GNB4: variants seen among roughly 807,000 people sequenced by gnomAD.
GNB4 encodes G protein subunit beta 4.
A neutral mutation model predicts 45.2 loss-of-function variants in GNB4; 28 were observed. That is an observed-to-expected ratio of 0.62 (90% CI 0.46 to 0.85). The LOEUF (loss-of-function observed/expected upper bound fraction) is 0.85. Among genes scored for constraint, GNB4 ranks in the 40% least tolerant of loss-of-function variants. The pLI, the probability that GNB4 is intolerant of heterozygous loss-of-function variation, is 0.00. For missense variants in GNB4, 321 were observed against 425.4 expected, an observed-to-expected ratio of 0.75 and a Z score of 2.16; for synonymous variants, 132 against 143.7, an observed-to-expected ratio of 0.92 and a Z score of 0.58.
rs370523737 is a variant in GNB4, at chr3:179,432,346, A to C, written c.-42-6104T>G. On this transcript the variant is annotated intron_variant, in intron 1 of 9. Transcript: ENST00000232564. ...AACTAACTTTTCACTCTTTAAAAAA[A>C]AACACAACTGATTCATTTTGTCACT... Among the ~76,000 whole-genome samples the C allele has an allele frequency of 5.3e-5, 8 of 152,350 alleles. 2 individuals carry two copies. Among genetic ancestry groups the C allele is most frequent in the South Asian group, 2.1e-4 (1 of 4,824 alleles).
At chr3:179,465,340 A>T in the GNB4 span, 1 of 1,130,874 alleles carries the variant, frequency 8.8e-7, no homozygotes, top group Non-Finnish European at 1.3e-6. Flanking sequence ...GCGGTGGCTC[A>T]CACCTGTAAT....
chr3:179,451,013 G>A (rs1419277235), intron 1 of GNB4: 3 of 152,274 alleles, frequency 2.0e-5, no homozygotes, highest in Non-Finnish European at 4.4e-5. Flanking sequence ...GAGGCCTCGG[G>A]GAGTGACGAG....
At chr3:179,525,723 C>T in the GNB4 span, among the ~76,000 whole-genome samples, 2 of 152,150 alleles carry the variant, frequency 1.3e-5, no homozygotes, top group South Asian at 2.1e-4. Context: ...TCTCCTTTGT[C>T]TCTACTAGAG....
At chr3:179,442,819 G>T in intron 1 of GNB4, among the ~76,000 whole-genome samples, 1 of 152,006 alleles carries the variant, frequency 6.6e-6, no homozygotes, top group African/African-American at 2.4e-5. Context: ...TTTAGAGGTG[G>T]GGTCCTTACT....
chr3:179,478,534 TTTTTG>T, the GNB4 span, among the ~76,000 whole-genome samples: 11 of 152,070 alleles, frequency 7.2e-5, no homozygotes, highest in South Asian at 2.1e-4. Context: ...GTTTTTTGGG[TTTTTG>T]TTTTGTTTTG....
the GNB4 span, among the ~76,000 whole-genome samples, chr3:179,525,549 A>G: frequency 1.3e-5 from 2 of 152,048 alleles, no homozygotes; most frequent in Non-Finnish European, 2.9e-5. Flanking sequence ...CCACCAAGGG[A>G]ATGTGGGTGA....
At chr3:179,494,826 T>G in the GNB4 span, among the ~76,000 whole-genome samples, 1 of 140,410 alleles carries the variant, frequency 7.1e-6, no homozygotes, top group Non-Finnish European at 1.5e-5. Flanking sequence ...GAGAATGGCA[T>G]GAACCCGGGA....
chr3:179,461,263 A>C, the GNB4 span, among the ~76,000 whole-genome samples: 36 of 152,138 alleles, frequency 2.4e-4, no homozygotes, highest in Admixed American at 5.2e-4. Flanking sequence ...TTTGGGAGGT[A>C]GAGGCAGGCG....
chr3:179,457,035 C>T, the GNB4 span, among the ~76,000 whole-genome samples: 3 of 152,082 alleles, frequency 2.0e-5, no homozygotes, highest in Non-Finnish European at 4.4e-5. Flanking sequence ...AGGAGCCCTG[C>T]GGACCAACTC....
intron 8 of GNB4, among the ~76,000 whole-genome samples, chr3:179,409,578 G>C (rs1011624524): frequency 6.6e-6 from 1 of 151,702 alleles, no homozygotes; most frequent in Non-Finnish European, 1.5e-5. Context: ...TTGGGAGGCC[G>C]AGGCAGGCAG....
At chr3:179,516,314 G>T in the GNB4 span, among the ~76,000 whole-genome samples, 1 of 152,164 alleles carries the variant, frequency 6.6e-6, no homozygotes, top group Non-Finnish European at 1.5e-5. Flanking sequence ...AGGTGGGAAG[G>T]CCAAACCTAA....
At chr3:179,527,777 C>CGTGTGTGTGTGTGTGT in the GNB4 span, among the ~76,000 whole-genome samples, 1 of 122,148 alleles carries the variant, frequency 8.2e-6, no homozygotes, top group Non-Finnish European at 1.7e-5. Context: ...CTGATAAGTG[C>CGTGTGTGTGTGTGTGT]GTGTGTGTAT....
At chr3:179,506,031 G>T in the GNB4 span, among the ~76,000 whole-genome samples, 1 of 152,226 alleles carries the variant, frequency 6.6e-6, no homozygotes, top group Non-Finnish European at 1.5e-5. Flanking sequence ...TTATTAAAAA[G>T]TTGAATAGCA....
chr3:179,458,807 A>C, the GNB4 span, among the ~76,000 whole-genome samples: 1 of 152,178 alleles, frequency 6.6e-6, no homozygotes, highest in Non-Finnish European at 1.5e-5. Flanking sequence ...AGGGTGATTG[A>C]ATCTAAGGAT....
At chr3:179,463,092 T>C in the GNB4 span, among the ~76,000 whole-genome samples, 2 of 152,108 alleles carry the variant, frequency 1.3e-5, no homozygotes, top group African/African-American at 2.4e-5. Flanking sequence ...GGAAGAATAG[T>C]ATTGTTTGTT....
chr3:179,521,164 G>A, the GNB4 span, among the ~76,000 whole-genome samples: 4,837 of 152,134 alleles, frequency 0.032, 126 homozygotes, highest in South Asian at 0.098. Context: ...GGCGACCGTG[G>A]TCATTTCTTC....
At chr3:179,429,103 C>T (rs1273878044) in intron 1 of GNB4, among the ~76,000 whole-genome samples, 1 of 152,236 alleles carries the variant, frequency 6.6e-6, no homozygotes, top group Non-Finnish European at 1.5e-5. Context: ...GCTGGGAATG[C>T]CAAGAACACA....
At chr3:179,425,819 T>C (rs1200659880) in intron 2 of GNB4, among the ~76,000 whole-genome samples, 1 of 152,238 alleles carries the variant, frequency 6.6e-6, no homozygotes, top group Non-Finnish European at 1.5e-5. Flanking sequence ...ATTTCCCTAG[T>C]GTGACATTAT....
At chr3:179,498,514 G>A in the GNB4 span, among the ~76,000 whole-genome samples, 1 of 152,160 alleles carries the variant, frequency 6.6e-6, no homozygotes, top group Non-Finnish European at 1.5e-5. Flanking sequence ...TCGGCTCACT[G>A]CAACCTCCAC....
Sources: allele counts gnomAD v4.1 joint callset (sites outside exome capture counted in the v4.1 genomes callset), GRCh38; gene constraint gnomAD v4.1.1; transcripts MANE v1.5; gene names NCBI Gene and HGNC (gene_info 2026-07-23, HGNC 2026-07-21).